EPHA7: variants seen among roughly 807,000 people sequenced by gnomAD.
EPHA7 encodes the protein ephrin type-A receptor 7.
EPHA7 carries 25 observed loss-of-function variants against 112.6 expected under a neutral mutation model. The ratio of observed to expected loss-of-function variants is 0.22; its 90% CI spans 0.16 to 0.31. The LOEUF is 0.31. Among genes scored for constraint, EPHA7 ranks in the 10% least tolerant of loss-of-function variants. The probability of loss-of-function intolerance (pLI) is 1.00; values close to 1 mark genes in which losing one functional copy is unlikely to be tolerated. For synonymous variants in EPHA7, 437 were observed against 406.5 expected, an observed-to-expected ratio of 1.07 and a Z score of -0.90; for missense variants, 962 against 1,212.6, an observed-to-expected ratio of 0.79 and a Z score of 3.07.
Position 93,284,299 on chromosome 6 carries a change from C to T in EPHA7, c.1325-11877G>A, listed in dbSNP as rs372811844. 2.3e-4 allele frequency among the ~76,000 whole-genome samples: 35 copies of T among 151,446 alleles called. 1 individual carries two copies. Among genetic ancestry groups the T allele is most frequent in the African/African-American group, 7.7e-4 (32 of 41,372 alleles). ...TGTTAGTTTTTGCAGAATTCTTCCT[C>T]GTTAGTGGCTTTGCTCATTTATTTT... On this transcript the variant is annotated intron_variant, in intron 5 of 16. Transcript: ENST00000369303.
chr6:93,276,855 A>AT (rs1771496888), intron 5 of EPHA7, among the ~76,000 whole-genome samples: 1 of 152,128 alleles, frequency 6.6e-6, no homozygotes, highest in African/African-American at 2.4e-5. Flanking sequence ...TATACCATTC[A>AT]TTTTTTCTAC....
intron 13 of EPHA7, 31 bp downstream of exon 13, chr6:93,255,797 T>G (rs890597072): frequency 1.9e-6 from 3 of 1,559,172 alleles, no homozygotes; most frequent in South Asian, 2.2e-5. Flanking sequence ...CTTAAGAATA[T>G]GAAGAAGTGC....
chr6:93,241,748 C>T lies in EPHA7; in HGVS notation c.*1678G>A. The T allele has an allele frequency of 4.5e-6, 1 of 221,728 alleles. No homozygotes were observed. Among genetic ancestry groups the T allele is most frequent in the Non-Finnish European group, 9.1e-6 (1 of 110,444 alleles). The allele number at this position is 221,728 out of a possible 1,614,324, so 13.7% of individuals were successfully genotyped here. ...TGAAAATACCTGTTCTTTTGTGATG[C>T]TCTGCAAGTAAAATAGAAAAATATA... On this transcript the variant is annotated 3_prime_UTR_variant, in exon 17 of 17. Coordinates refer to ENST00000369303, the MANE Select transcript of EPHA7 (RefSeq NM_004440.4).
At chr6:93,364,534 T>C (rs1430747619) in intron 3 of EPHA7, among the ~76,000 whole-genome samples, 4 of 54,432 alleles carry the variant, frequency 7.3e-5, no homozygotes, top group South Asian at 4.9e-4. Flanking sequence ...AAACTCCGTC[T>C]CAAAAAAAAA....
intron 5 of EPHA7, among the ~76,000 whole-genome samples, chr6:93,345,801 T>A (rs1040800620): frequency 6.6e-6 from 1 of 151,552 alleles, no homozygotes; most frequent in African/African-American, 2.4e-5. Context: ...TGTGGATCAA[T>A]GCCTTTTCCT....
chr6:93,254,170 C>G (rs1770335631), intron 14 of EPHA7, among the ~76,000 whole-genome samples: 1 of 151,944 alleles, frequency 6.6e-6, no homozygotes, highest in Non-Finnish European at 1.5e-5. Flanking sequence ...TAATATTGAT[C>G]ATAAAATCTA....
At position 93,398,033 on chromosome 6, in the gene EPHA7, A is replaced by T. The variant is rs370204987; in HGVS notation, c.832+12468T>A. On this transcript the variant is annotated intron_variant, in intron 3 of 16. Transcript: ENST00000369303. ...TTTTGTCTCTGCAACAGAGTATATA[A>T]TGACAGAAAATCCTTAAAAACTAAA... 2.6e-5 allele frequency among the ~76,000 whole-genome samples: 4 copies of T among 152,080 alleles called. No individual in the cohort carries two copies. In the East Asian group the frequency reaches 7.8e-4, roughly 29 times the overall value.
At chr6:93,333,175 G>A (rs1469389774) in intron 5 of EPHA7, among the ~76,000 whole-genome samples, 1 of 151,658 alleles carries the variant, frequency 6.6e-6, no homozygotes, top group Admixed American at 6.6e-5. Context: ...TTAGGATTAT[G>A]GCCTCCAGCT....
Position 93,257,518 on chromosome 6 carries a change from G to A in EPHA7, c.2116C>T (p.Pro706Ser), listed in dbSNP as rs1008162814. ...HLEGVVTRGK[P>S]VMIVIEFMEN... ...ATGAACTCTATTACTATCATGACTG[G>A]TTTCCCTAAAATTAAAAAAAAAAAG... Residue 706 changes from proline (P) to serine (S), a missense_variant, in exon 12 of 17, where the codon CCA (proline) becomes TCA (serine). Around this residue, in one of 3 missense-constraint regions of EPHA7, gnomAD observed 746 missense variants for 889.2 expected, o/e 0.84. Coordinates refer to ENST00000369303, the MANE Select transcript of EPHA7 (RefSeq NM_004440.4). The A allele has an allele frequency of 6.2e-7, 1 of 1,607,920 alleles. No individual in the cohort carries two copies. Among genetic ancestry groups the A allele is most frequent in the Non-Finnish European group, 8.5e-7 (1 of 1,177,324 alleles).
At position 93,356,700 on chromosome 6, in the gene EPHA7, A is replaced by G. The variant is rs1433141195; in HGVS notation, c.1324+17T>C. The G allele has an allele frequency of 1.3e-6, 2 of 1,588,240 alleles. No individual in the cohort carries two copies. The highest frequency in any genetic ancestry group is 1.7e-6 in the Non-Finnish European group (2 of 1,166,522). ...AGTCACATTATTTCATTCAGTGAAG[A>G]TAAACACAAAACATACCTGCTTGAC... On this transcript the variant is annotated intron_variant, in intron 5 of 16. Transcript: ENST00000369303.
At chr6:93,332,730 TTTCAAATAAAC>T (rs1774658854) in intron 5 of EPHA7, among the ~76,000 whole-genome samples, 1 of 151,722 alleles carries the variant, frequency 6.6e-6, no homozygotes, top group East Asian at 1.9e-4. Context: ...TATTTTTGAA[TTTCAAATAAAC>T]TGATATGATC....
chr6:93,391,674 T>C (rs920512487), intron 3 of EPHA7, among the ~76,000 whole-genome samples: 1 of 151,892 alleles, frequency 6.6e-6, no homozygotes, highest in Admixed American at 6.6e-5. Flanking sequence ...ACTCTCTCTA[T>C]TATATTTATG....
intron 3 of EPHA7, among the ~76,000 whole-genome samples, chr6:93,384,230 G>A (rs1002636251): frequency 1.3e-5 from 2 of 152,014 alleles, no homozygotes; most frequent in Non-Finnish European, 2.9e-5. Context: ...TCCATAATGT[G>A]TCCCTAACAC....
intron 2 of EPHA7, among the ~76,000 whole-genome samples, chr6:93,413,638 T>C (rs1353480754): frequency 6.6e-6 from 1 of 151,928 alleles, no homozygotes; most frequent in South Asian, 2.1e-4. Context: ...ATGGTTGTCA[T>C]TGATTTATAA....
chr6:93,342,586 T>C (rs1236673175), intron 5 of EPHA7, among the ~76,000 whole-genome samples: 3 of 151,760 alleles, frequency 2.0e-5, no homozygotes, highest in Non-Finnish European at 4.4e-5. Flanking sequence ...GCACAAGAAG[T>C]ATTTTACATT....
At chr6:93,245,154 G>A (rs1011989718) in intron 16 of EPHA7, 144 bp downstream of exon 16, 50 of 697,094 alleles carry the variant, frequency 7.2e-5, no homozygotes, top group Non-Finnish European at 1.1e-4. Flanking sequence ...TGCCTGGTAC[G>A]CAGTAAGAAC....
chr6:93,250,115 T>C (rs1274038412), intron 14 of EPHA7, among the ~76,000 whole-genome samples: 2 of 152,122 alleles, frequency 1.3e-5, no homozygotes, highest in African/African-American at 2.4e-5. Flanking sequence ...ATAAGAGATA[T>C]TGGGACTTTA....
chr6:93,366,180 G>A (rs1482039593), intron 3 of EPHA7, among the ~76,000 whole-genome samples: 2 of 151,984 alleles, frequency 1.3e-5, no homozygotes, highest in African/African-American at 4.8e-5. Context: ...TATTATTTTT[G>A]TCTTGTTATG....
At chr6:93,368,680 C>T (rs1430266517) in intron 3 of EPHA7, among the ~76,000 whole-genome samples, 2 of 152,112 alleles carry the variant, frequency 1.3e-5, no homozygotes, top group Non-Finnish European at 2.9e-5. Flanking sequence ...TTAATTTCAT[C>T]TTAATTTCCT....
Sources: gnomAD v4.1 joint callset for allele counts (sites outside exome capture counted in the v4.1 genomes callset) on GRCh38, gnomAD v4.1.1 for gene constraint, gnomAD v4.1.1 regional missense constraint, MANE v1.5 for transcripts, NCBI Gene and HGNC (gene_info 2026-07-23, HGNC 2026-07-21) for gene names.